The following ADAM23 variants were observed in gnomAD, a reference collection of about 807,000 sequenced individuals.
ADAM23 encodes the protein disintegrin and metalloproteinase domain-containing protein 23.
Under a neutral mutation model 120.1 loss-of-function variants are expected in ADAM23, and 33 were observed. That is an observed-to-expected ratio of 0.27 (90% CI 0.21 to 0.37). ADAM23 has a LOEUF of 0.37. ADAM23 is among the 10% of genes least tolerant of loss of function. ADAM23 has a pLI of 1.00. For missense variants in ADAM23, 862 were observed against 1,058.2 expected (o/e 0.81, Z 2.57); for synonymous variants, 367 against 375.2 (o/e 0.98, Z 0.25).
intron 25 of ADAM23, 40 bp from the exon 26 acceptor site, chr2:206,617,539 T>C: frequency 5.1e-6 from 8 of 1,571,260 alleles, no homozygotes; most frequent in South Asian, 1.2e-5. Context: ...TTGTGGATTT[T>C]CCCCCTCTGC....
chr2:206,596,159 A>G lies in ADAM23; in HGVS notation c.2356A>G (p.Lys786Glu). 1.2e-6 allele frequency: 2 copies of G among 1,613,244 alleles called. No homozygotes were observed. Among genetic ancestry groups the G allele is most frequent in the Non-Finnish European group, 1.7e-6 (2 of 1,179,456 alleles). ...NLHPPKDEGP[K>E]GPSATNLIIG... ...TCACCCCCCCAAGGATGAAGGACCC[A>G]AGGGTTTGTGTGATTTTGGTTTCAA... is the stretch of plus-strand genomic sequence containing the variant. Residue 786 changes from lysine to glutamate, a missense_variant, in exon 24 of 26, where the codon AAG becomes GAG. Transcript: ENST00000264377.
intron 24 of ADAM23, among the ~76,000 whole-genome samples, chr2:206,599,140 G>A (rs1260527842): frequency 6.6e-6 from 1 of 151,418 alleles, no homozygotes; most frequent in Non-Finnish European, 1.5e-5. Flanking sequence ...AGGAGGTGGA[G>A]GTTACAGTGA....
chr2:206,463,195 T>C (rs1695461617), intron 2 of ADAM23, among the ~76,000 whole-genome samples: 1 of 152,232 alleles, frequency 6.6e-6, no homozygotes. Context: ...ACTTTGTAGA[T>C]ATGACTAAAT....
At chr2:206,547,106 G>C (rs1023748981) in intron 6 of ADAM23, among the ~76,000 whole-genome samples, 1 of 151,728 alleles carries the variant, frequency 6.6e-6, no homozygotes, top group African/African-American at 2.4e-5. Flanking sequence ...CATGTTGAAG[G>C]AATATGAAAG....
At chr2:206,497,825 G>A (rs1291762475) in intron 3 of ADAM23, among the ~76,000 whole-genome samples, 1 of 152,092 alleles carries the variant, frequency 6.6e-6, no homozygotes, top group East Asian at 1.9e-4. Flanking sequence ...CAAAATCAAT[G>A]TGCAAAAATC....
At position 206,611,853 on chromosome 2, in the gene ADAM23, G is replaced by C. The variant is rs1039350334; in HGVS notation, c.2450+1853G>C. ...TATATCTGAGAGAGAGAGAGATCTC[G>C]TTATCACAAGAACAGAAAACAAAAG... is the stretch of plus-strand genomic sequence containing the variant. On this transcript the variant is annotated intron_variant, in intron 25 of 25. Transcript: ENST00000264377. 2.0e-5 allele frequency among the ~76,000 whole-genome samples: 3 copies of C among 152,162 alleles called. No individual in the cohort carries two copies. The East Asian group carries it at 5.8e-4, about 29-fold the overall frequency.
chr2:206,550,599 CTTTTT>C (rs67340305), intron 9 of ADAM23, among the ~76,000 whole-genome samples: 3 of 137,274 alleles, frequency 2.2e-5, no homozygotes, highest in Non-Finnish European at 1.6e-5. Flanking sequence ...GACTTATCGT[CTTTTT>C]TTTTTTTTTT....
intron 24 of ADAM23, among the ~76,000 whole-genome samples, chr2:206,604,104 A>G (rs1698688943): frequency 6.6e-6 from 1 of 152,088 alleles, no homozygotes; most frequent in African/African-American, 2.4e-5. Flanking sequence ...GTCTCTAACT[A>G]AAAATACAAA....
At chr2:206,572,671 A>G (rs1254854547) in intron 17 of ADAM23, among the ~76,000 whole-genome samples, 4 of 152,232 alleles carry the variant, frequency 2.6e-5, no homozygotes, top group Non-Finnish European at 5.9e-5. Flanking sequence ...TGAATTTATT[A>G]AAATTTGATT....
Position 206,620,978 on chromosome 2 carries a change from A to G in ADAM23, c.*3351A>G, listed in dbSNP as rs1699045874. On this transcript the variant is annotated 3_prime_UTR_variant, in exon 26 of 26. Transcript: ENST00000264377. ...CTTCCATTGTTAGTTTCCATTTTCA[A>G]GTGCTTTGTAATTTTTTAAGTGCAC... 6.6e-6 allele frequency: 1 copy of G among 152,130 alleles called. No homozygotes were observed. The highest frequency in any genetic ancestry group is 2.4e-5 in the African/African-American group (1 of 41,436). 9.4% of individuals were successfully genotyped at this position (152,130 alleles called of 1,614,324 possible).
At chr2:206,500,992 A>AC (rs1696375883) in intron 3 of ADAM23, among the ~76,000 whole-genome samples, 2 of 147,250 alleles carry the variant, frequency 1.4e-5, no homozygotes, top group African/African-American at 5.0e-5. Context: ...TGAGCCACTC[A>AC]CTTTTTTTTT....
intron 3 of ADAM23, among the ~76,000 whole-genome samples, chr2:206,518,162 A>G (rs769531577): frequency 2.0e-5 from 3 of 152,216 alleles, no homozygotes; most frequent in Non-Finnish European, 2.9e-5. Flanking sequence ...GCATTTTTCT[A>G]CTACCACTGG....
At chr2:206,611,194 T>C (rs1698819455) in intron 25 of ADAM23, among the ~76,000 whole-genome samples, 1 of 152,246 alleles carries the variant, frequency 6.6e-6, no homozygotes, top group Non-Finnish European at 1.5e-5. Flanking sequence ...GGAGTGCCTT[T>C]AACTTGAAAT....
chr2:206,470,964 C>T (rs764065810), intron 2 of ADAM23, among the ~76,000 whole-genome samples: 7 of 152,166 alleles, frequency 4.6e-5, no homozygotes, highest in Non-Finnish European at 8.8e-5. Context: ...TTAACATGAA[C>T]TTTGAGCAGT....
chr2:206,504,322 C>T (rs1696451472), intron 3 of ADAM23, among the ~76,000 whole-genome samples: 1 of 152,070 alleles, frequency 6.6e-6, no homozygotes, highest in Admixed American at 6.6e-5. Flanking sequence ...TATAGGTTAT[C>T]ATATTTGCCC....
intron 3 of ADAM23, among the ~76,000 whole-genome samples, chr2:206,500,432 G>A (rs1188915523): frequency 6.6e-6 from 1 of 152,122 alleles, no homozygotes; most frequent in Non-Finnish European, 1.5e-5. Context: ...TGAAAAATCG[G>A]TGCTCAAAAG....
At chr2:206,552,769 C>T (rs1308981936) in intron 9 of ADAM23, among the ~76,000 whole-genome samples, 1 of 152,246 alleles carries the variant, frequency 6.6e-6, no homozygotes, top group East Asian at 1.9e-4. Flanking sequence ...TCAAGTGATC[C>T]TCCCATTTCA....
intron 10 of ADAM23, 143 bp downstream of exon 10, chr2:206,557,641 C>G: frequency 1.3e-6 from 1 of 755,406 alleles, no homozygotes. Context: ...TAGGATGGTC[C>G]GCTTCACAGA....
intron 3 of ADAM23, among the ~76,000 whole-genome samples, chr2:206,526,387 CAT>C (rs1696948901): frequency 6.6e-6 from 1 of 152,190 alleles, no homozygotes; most frequent in Admixed American, 6.5e-5. Flanking sequence ...CAGTGACAAA[CAT>C]GAAATCTGAG....
Sources: allele counts gnomAD v4.1 joint callset (sites outside exome capture counted in the v4.1 genomes callset), GRCh38; gene constraint gnomAD v4.1.1; transcripts MANE v1.5; gene names NCBI Gene and HGNC (gene_info 2026-07-23, HGNC 2026-07-21).